The following MAPT variants were observed in gnomAD, a reference collection of about 807,000 sequenced individuals.
MAPT encodes microtubule associated protein tau, also known as microtubule-associated protein tau.
Under a neutral mutation model 67.9 loss-of-function variants are expected in MAPT, and 34 were observed. The observed-to-expected ratio is 0.50, with a 90% CI of 0.38 to 0.67. MAPT has a LOEUF of 0.67. Ranked by LOEUF, MAPT falls within the 30% of genes least tolerant of loss-of-function variation. MAPT has a pLI of 0.00. For missense variants in MAPT, 881 were observed against 1,115.2 expected, an observed-to-expected ratio of 0.79 and a Z score of 2.99; for synonymous variants, 456 against 464.5, an observed-to-expected ratio of 0.98 and a Z score of 0.23.
intron 5 of MAPT, chr17:45,985,879 C>T (rs899539663): frequency 1.5e-5 from 3 of 193,822 alleles, no homozygotes; most frequent in African/African-American, 7.1e-5. Context: ...GTTGGAAAAC[C>T]TCTGGGCATA....
chr17:45,915,051 G>A lies in MAPT; in HGVS notation c.-18+20365G>A, dbSNP rs974657478. On this transcript the variant is annotated intron_variant, in intron 1 of 12. Transcript: ENST00000262410. This position sits in a 1 kb window ranked among gnomAD's most constrained non-coding sequence, Gnocchi z 4.4. ...TAAAAAAGATTAAATGCATGTATAC[G>A]CTCAGGCATCAGCACACTTGGAAAG... 2.0e-5 allele frequency among the ~76,000 whole-genome samples: 3 copies of A among 152,092 alleles called. No individual in the cohort carries two copies. Among genetic ancestry groups the A allele is most frequent in the Non-Finnish European group, 4.4e-5 (3 of 68,022 alleles).
chr17:45,968,564 C>T (rs1285759230), intron 2 of MAPT, among the ~76,000 whole-genome samples: 7 of 152,186 alleles, frequency 4.6e-5, no homozygotes, highest in African/African-American at 1.4e-4. Flanking sequence ...GACTAAAAGT[C>T]CCCATGTGCT....
chr17:45,927,815 A>G (rs1465754976), intron 1 of MAPT, among the ~76,000 whole-genome samples: 1 of 151,914 alleles, frequency 6.6e-6, no homozygotes, highest in African/African-American at 2.4e-5. Flanking sequence ...CCTGGCTAAC[A>G]TGGTGAAACC....
chr17:45,928,609 G>C (rs2066569498), intron 1 of MAPT, among the ~76,000 whole-genome samples: 1 of 152,096 alleles, frequency 6.6e-6, no homozygotes. Context: ...CACAATGCAA[G>C]ACTCCACCCT....
intron 1 of MAPT, among the ~76,000 whole-genome samples, chr17:45,902,208 A>C (rs1262847636): frequency 6.6e-6 from 1 of 152,026 alleles, no homozygotes; most frequent in Non-Finnish European, 1.5e-5. Flanking sequence ...CGTAGCCGGG[A>C]CTACAGGTAC....
chr17:45,985,765 G>C, intron 5 of MAPT: 5 of 982,106 alleles, frequency 5.1e-6, no homozygotes, highest in Non-Finnish European at 6.0e-6. Flanking sequence ...TCCGCCTGGG[G>C]CTCTTACTAA....
chr17:45,937,995 C>A (rs2067506143), intron 1 of MAPT, among the ~76,000 whole-genome samples: 1 of 152,190 alleles, frequency 6.6e-6, no homozygotes, highest in African/African-American at 2.4e-5. Flanking sequence ...CATGATGCGG[C>A]CACACAGCAG....
chr17:45,916,830 C>G (rs111425380), intron 1 of MAPT, among the ~76,000 whole-genome samples: 1 of 152,192 alleles, frequency 6.6e-6, no homozygotes. Context: ...GTTAACCTCC[C>G]CAGAGTCACA....
At chr17:45,926,791 C>G (rs1032444330) in intron 1 of MAPT, among the ~76,000 whole-genome samples, 7 of 152,014 alleles carry the variant, frequency 4.6e-5, no homozygotes, top group Admixed American at 3.3e-4. Context: ...CATCCAGGTT[C>G]CAGCAGAAAC....
At chr17:46,004,428 C>T (rs2145935229) in intron 9 of MAPT, among the ~76,000 whole-genome samples, 1 of 152,334 alleles carries the variant, frequency 6.6e-6, no homozygotes, top group East Asian at 1.9e-4. Context: ...AGACATTTCT[C>T]CCCTGACTAG....
intron 2 of MAPT, chr17:45,969,270 C>G (rs1482858525): frequency 1.3e-5 from 2 of 152,226 alleles, no homozygotes; most frequent in African/African-American, 4.8e-5. Context: ...GTGCCAGGCA[C>G]AGGAGGAGCT....
At chr17:45,990,901 G>A (rs1043199493) in intron 7 of MAPT, among the ~76,000 whole-genome samples, 3 of 152,144 alleles carry the variant, frequency 2.0e-5, no homozygotes, top group African/African-American at 4.8e-5. Flanking sequence ...AGTGATGCTG[G>A]TGCTCGCCTC....
At position 45,999,341 on chromosome 17, in the gene MAPT, G is replaced by A. The variant is rs1273806305; in HGVS notation, c.1998+2677G>A. On this transcript the variant is annotated intron_variant, in intron 9 of 12. Transcript: ENST00000262410. Reference sequence around the variant, plus strand: ...GCAGCCCCCACAAGACTGTGCAGGTGGCCGGCCCTCATTGAATGCGGGGTT... The same window carrying A: ...GCAGCCCCCACAAGACTGTGCAGGTAGCCGGCCCTCATTGAATGCGGGGTT... 1.9e-6 allele frequency: 3 copies of A among 1,613,986 alleles called. No homozygotes were observed. The East Asian group carries it at 6.7e-5, about 36-fold the overall frequency.
intron 4 of MAPT, among the ~76,000 whole-genome samples, chr17:45,980,955 T>C (rs114526067): frequency 0.013 from 1,944 of 152,308 alleles, 36 homozygotes; most frequent in African/African-American, 0.045. Flanking sequence ...AGTTGATCTG[T>C]GCAGGATCCA....
chr17:45,926,918 T>TATATATACAC (rs138183364), intron 1 of MAPT, among the ~76,000 whole-genome samples: 1 of 150,436 alleles, frequency 6.6e-6, no homozygotes, highest in Non-Finnish European at 1.5e-5. Flanking sequence ...TATGTGTGTA[T>TATATATACAC]ATATATACAC....
chr17:45,962,581 C>T (rs564111234), intron 2 of MAPT, 111 bp downstream of exon 2: 339 of 1,386,720 alleles, frequency 2.4e-4, no homozygotes, highest in Non-Finnish European at 3.3e-4. Context: ...TTGTCTTAGA[C>T]TGTCAGTAAA....
chr17:45,947,993 T>C (rs2068675358), intron 1 of MAPT, among the ~76,000 whole-genome samples: 1 of 151,842 alleles, frequency 6.6e-6, no homozygotes, highest in Non-Finnish European at 1.5e-5. Flanking sequence ...ACTAGGTTTT[T>C]TTGTTGTTGT....
At chr17:45,903,714 CA>C (rs1222023338) in intron 1 of MAPT, among the ~76,000 whole-genome samples, 7,822 of 37,124 alleles carry the variant, frequency 0.21, 415 homozygotes, top group Non-Finnish European at 0.23. Context: ...GACTTCTTCT[CA>C]AAAAAAAAAA....
In MAPT at chr17:45,983,468, C is replaced by A. The variant is rs150983093; in HGVS notation, c.889C>A (p.Arg297Ser). Reference protein sequence around the residue: ...PGSKEEVDEDRDVDESSPQDS... With the variant: ...PGSKEEVDEDSDVDESSPQDS... ...GAGCAAGGAGGAGGTGGATGAAGAC[C>A]GCGACGTCGATGAGTCCTCCCCCCA... The change falls in exon 5 of 13, where the codon CGC becomes AGC. Residue 297 changes from arginine to serine, a missense_variant. Transcript: ENST00000262410. 439 of 1,608,098 alleles carry A rather than the reference C, an allele frequency of 2.7e-4. No homozygotes were observed. The highest frequency in any genetic ancestry group is 2.3e-3 in the Middle Eastern group (14 of 6,024).
Sources: allele counts gnomAD v4.1 joint callset (sites outside exome capture counted in the v4.1 genomes callset), GRCh38; gene constraint gnomAD v4.1.1; non-coding constraint Gnocchi (gnomAD v3.1); transcripts MANE v1.5; gene names NCBI Gene and HGNC (gene_info 2026-07-23, HGNC 2026-07-21).